The following LY96 variants were observed in gnomAD, a reference collection of about 807,000 sequenced individuals.
The protein encoded by LY96 is myeloid differentiation protein-2.
Under a neutral mutation model 18.9 loss-of-function variants are expected in LY96, and 18 were observed. That is an observed-to-expected ratio of 0.95 (90% CI 0.66 to 1.41). The LOEUF (loss-of-function observed/expected upper bound fraction) is 1.41, where lower values mean the gene tolerates loss of function less well. Among genes scored for constraint, LY96 ranks in the 40% most tolerant of loss-of-function variants. The pLI is 0.00. For synonymous variants in LY96, 66 were observed against 62.6 expected (o/e 1.06, Z -0.26); for missense variants, 175 against 182.4 (o/e 0.96, Z 0.23).
At chr8:74,034,821 T>C in the LY96 span, among the ~76,000 whole-genome samples, 38 of 152,204 alleles carry the variant, frequency 2.5e-4, no homozygotes, top group African/African-American at 8.2e-4. Flanking sequence ...TGTGAGATTG[T>C]AAGGGCCAGT....
intron 3 of LY96, among the ~76,000 whole-genome samples, chr8:74,019,128 C>A (rs191573486): frequency 1.3e-5 from 2 of 152,058 alleles, no homozygotes; most frequent in East Asian, 3.9e-4. Context: ...ATCAATGAAT[C>A]CAGGAGCTGA....
chr8:74,004,784 T>C lies in LY96; in HGVS notation c.113-12T>C. 6.5e-7 allele frequency: 1 copy of C among 1,549,534 alleles called. No homozygotes were observed. ...TGTAGTAATTTATTGACATTATCTT[T>C]ATTGCTTTTAGATAAAATGCAATAC... On this transcript the variant is annotated splice_polypyrimidine_tract_variant and intron_variant, in intron 1 of 4. Coordinates refer to ENST00000284818, the MANE Select transcript of LY96 (RefSeq NM_015364.5).
At chr8:74,051,899 C>T in the LY96 span, among the ~76,000 whole-genome samples, 3 of 152,128 alleles carry the variant, frequency 2.0e-5, no homozygotes, top group African/African-American at 7.2e-5. Flanking sequence ...CATACTAAGA[C>T]AGTGGGGTTC....
intron 2 of LY96, among the ~76,000 whole-genome samples, chr8:74,005,200 C>T (rs1182534299): frequency 1.3e-5 from 2 of 152,182 alleles, no homozygotes; most frequent in African/African-American, 2.4e-5. Flanking sequence ...TGTCAGTATT[C>T]AGTTGTTAGT....
At chr8:74,059,146 AG>A in the LY96 span, among the ~76,000 whole-genome samples, 2 of 152,208 alleles carry the variant, frequency 1.3e-5, no homozygotes, top group Non-Finnish European at 2.9e-5. Flanking sequence ...AGACACACCC[AG>A]CAATAGTGTT....
chr8:74,043,916 C>T, the LY96 span, among the ~76,000 whole-genome samples: 2 of 152,186 alleles, frequency 1.3e-5, no homozygotes, highest in African/African-American at 2.4e-5. Context: ...TCACTGCAGC[C>T]TCGACCTCAC....
the LY96 span, among the ~76,000 whole-genome samples, chr8:74,034,310 T>C: frequency 6.6e-6 from 1 of 152,028 alleles, no homozygotes; most frequent in Non-Finnish European, 1.5e-5. Context: ...AGATGGAGGT[T>C]GCAGTGAGCC....
chr8:74,061,686 A>G, the LY96 span, among the ~76,000 whole-genome samples: 1 of 152,358 alleles, frequency 6.6e-6, no homozygotes, highest in East Asian at 1.9e-4. Flanking sequence ...AATAATGGGC[A>G]GCACAAGTCT....
At chr8:73,994,193 C>G (rs533928704) in intron 1 of LY96, among the ~76,000 whole-genome samples, 2 of 152,166 alleles carry the variant, frequency 1.3e-5, no homozygotes, top group Admixed American at 6.5e-5. Flanking sequence ...TTCCTTCTCT[C>G]TGAGAAACCC....
the LY96 span, among the ~76,000 whole-genome samples, chr8:74,076,375 G>A: frequency 6.6e-5 from 10 of 151,566 alleles, no homozygotes; most frequent in African/African-American, 2.4e-4. Flanking sequence ...CCAGGCTGGA[G>A]TGCAATGGTG....
intron 1 of LY96, among the ~76,000 whole-genome samples, chr8:74,004,143 C>T (rs1394648789): frequency 1.3e-5 from 2 of 152,090 alleles, no homozygotes; most frequent in African/African-American, 4.8e-5. Flanking sequence ...ATGCTGGATG[C>T]ATGGATTAAC....
At chr8:74,093,358 T>A in the LY96 span, among the ~76,000 whole-genome samples, 1 of 152,360 alleles carries the variant, frequency 6.6e-6, no homozygotes, top group African/African-American at 2.4e-5. Flanking sequence ...ACATCTTTAA[T>A]AGCTACTGCA....
chr8:74,014,581 T>C (rs1463551761), intron 3 of LY96, among the ~76,000 whole-genome samples: 2 of 151,098 alleles, frequency 1.3e-5, no homozygotes. Context: ...AACATGGCCA[T>C]CTGGCAGCTG....
At position 74,014,771 on chromosome 8, in the gene LY96, A is replaced by C. The variant is rs570848095; in HGVS notation, c.331+4642A>C. 1.8e-4 allele frequency among the ~76,000 whole-genome samples: 27 copies of C among 152,060 alleles called. No individual in the cohort carries two copies. In the East Asian group the frequency reaches 3.3e-3, roughly 19 times the overall value. Reference sequence around the variant, plus strand: ...GATATGATATTTAGAAAATATGGACAAGCAATTATAAAGTAAAAGTTACCC... The same window carrying C: ...GATATGATATTTAGAAAATATGGACCAGCAATTATAAAGTAAAAGTTACCC... On this transcript the variant is annotated intron_variant, in intron 3 of 4. Coordinates refer to ENST00000284818, the MANE Select transcript of LY96 (RefSeq NM_015364.5).
chr8:74,082,394 C>T, the LY96 span, among the ~76,000 whole-genome samples: 9 of 152,186 alleles, frequency 5.9e-5, no homozygotes, highest in Non-Finnish European at 1.2e-4. Flanking sequence ...GTCATGTCCA[C>T]GTAAAGGCTT....
At chr8:74,038,105 G>T in the LY96 span, among the ~76,000 whole-genome samples, 4 of 152,072 alleles carry the variant, frequency 2.6e-5, no homozygotes, top group African/African-American at 2.4e-5. Context: ...AATACATAAG[G>T]TATTTTGATA....
intron 2 of LY96, among the ~76,000 whole-genome samples, chr8:74,009,616 TA>T (rs1816488073): frequency 6.6e-6 from 1 of 152,186 alleles, no homozygotes; most frequent in Non-Finnish European, 1.5e-5. Context: ...TCAGAACTCC[TA>T]GAAAGTTGAC....
downstream of LY96, among the ~76,000 whole-genome samples, chr8:74,032,263 A>G (rs1816983965): frequency 6.6e-6 from 1 of 152,240 alleles, no homozygotes; most frequent in Non-Finnish European, 1.5e-5. Context: ...CTTTACTACA[A>G]TTAAGGGAGG....
intron 3 of LY96, among the ~76,000 whole-genome samples, chr8:74,018,011 A>T (rs1000095633): frequency 6.6e-6 from 1 of 152,230 alleles, no homozygotes; most frequent in Non-Finnish European, 1.5e-5. Flanking sequence ...CAAAATAACA[A>T]GCTAACATCA....
Sources: gnomAD v4.1 joint callset for allele counts (sites outside exome capture counted in the v4.1 genomes callset) on GRCh38, gnomAD v4.1.1 for gene constraint, MANE v1.5 for transcripts, NCBI Gene and HGNC (gene_info 2026-07-23, HGNC 2026-07-21) for gene names.